Variants in RYR3 observed in about 807,000 individuals in gnomAD.
RYR3 encodes ryanodine receptor 3.
In RYR3, 207 loss-of-function variants were observed where a neutral mutation model predicts 584.3. The observed-to-expected ratio is 0.35, with a 90% CI of 0.32 to 0.40. The LOEUF (loss-of-function observed/expected upper bound fraction) is 0.40. Among genes scored for constraint, RYR3 ranks in the 10% least tolerant of loss-of-function variants. RYR3 has a pLI of 1.00. For synonymous variants in RYR3, 2,416 were observed against 2,248.5 expected, an observed-to-expected ratio of 1.07 and a Z score of -2.11; for missense variants, 5,616 against 6,089.2, an observed-to-expected ratio of 0.92 and a Z score of 2.59.
At position 33,738,513 on chromosome 15, in the gene RYR3, T is replaced by C. The variant is rs777273999; in HGVS notation, c.7579T>C (p.Tyr2527His). The part of the protein sequence containing the change: ...YYCLPSGWGS[Y>H]GLAVEEELHL... ...CTGCCTGCCTTCAGGATGGGGGAGC[T>C]ACGGGCTAGCTGTGGAAGAAGAGCT... Residue 2527 changes from tyrosine to histidine, a missense_variant, in exon 50 of 104, where the codon TAC (tyrosine) becomes CAC (histidine). Around this residue, in one of 9 missense-constraint regions of RYR3, gnomAD observed 1,280 missense variants for 1,426.2 expected, o/e 0.90. Coordinates refer to ENST00000634891, the MANE Select transcript of RYR3 (RefSeq NM_001036.6). 1 of 1,613,964 alleles carries C rather than the reference T, an allele frequency of 6.2e-7. No individual in the cohort carries two copies. Among genetic ancestry groups the C allele is most frequent in the Non-Finnish European group, 8.5e-7 (1 of 1,179,878 alleles).
At chr15:33,427,336 C>T (rs1457715845) in intron 1 of RYR3, among the ~76,000 whole-genome samples, 1 of 152,130 alleles carries the variant, frequency 6.6e-6, no homozygotes, top group Non-Finnish European at 1.5e-5. Context: ...AAGCTGGGTG[C>T]AATAGTGTGC....
chr15:33,522,023 G>A (rs532094971), intron 3 of RYR3, among the ~76,000 whole-genome samples: 5 of 151,002 alleles, frequency 3.3e-5, no homozygotes, highest in African/African-American at 1.2e-4. Context: ...GGAGGCCGAG[G>A]CAGGCAGATC....
intron 18 of RYR3, among the ~76,000 whole-genome samples, chr15:33,609,241 C>A (rs1228352893): frequency 6.6e-6 from 1 of 152,366 alleles, no homozygotes; most frequent in East Asian, 1.9e-4. Flanking sequence ...CAATTATTTC[C>A]TGGTCTTCCT....
chr15:33,823,110 C>G (rs1567247493), intron 81 of RYR3, 38 bp downstream of exon 81: 4 of 1,571,886 alleles, frequency 2.5e-6, no homozygotes, highest in Non-Finnish European at 3.5e-6. Flanking sequence ...TTAAAAAACT[C>G]TTCCCTCTAA....
At chr15:33,734,983 G>A (rs1182205802) in intron 48 of RYR3, among the ~76,000 whole-genome samples, 2 of 151,534 alleles carry the variant, frequency 1.3e-5, no homozygotes, top group Non-Finnish European at 1.5e-5. Context: ...GAGCCACCGC[G>A]CCTGGCCGAG....
chr15:33,634,439 A>G, intron 24 of RYR3, 147 bp from the exon 25 acceptor site: 2 of 657,416 alleles, frequency 3.0e-6, no homozygotes, highest in Non-Finnish European at 5.3e-6. Flanking sequence ...CAATATGTAC[A>G]TTGCTAAATG....
chr15:33,765,642 AAAAAAAAAAAAAAG>A (rs1190516905), intron 60 of RYR3, among the ~76,000 whole-genome samples: 8 of 150,984 alleles, frequency 5.3e-5, no homozygotes, highest in Non-Finnish European at 1.0e-4. Flanking sequence ...CAAAAAAAAA[AAAAAAAAAAAAAAG>A]AAAATAGTCT....
At chr15:33,853,747 G>A in intron 96 of RYR3, 65 bp downstream of exon 96, 1 of 1,558,028 alleles carries the variant, frequency 6.4e-7, no homozygotes, top group African/African-American at 1.4e-5. Context: ...CTTTTCCATA[G>A]GAAAAAATCA....
intron 70 of RYR3, among the ~76,000 whole-genome samples, chr15:33,809,678 C>T (rs905834579): frequency 2.7e-5 from 4 of 150,900 alleles, no homozygotes; most frequent in African/African-American, 9.8e-5. Context: ...CTCTGTCACC[C>T]ACGCTGTAGT....
intron 76 of RYR3, among the ~76,000 whole-genome samples, chr15:33,819,123 C>A (rs2076975375): frequency 6.6e-6 from 1 of 151,574 alleles, no homozygotes; most frequent in Admixed American, 6.6e-5. Flanking sequence ...AACTCCGTCT[C>A]CAGAAAAAAA....
chr15:33,568,545 C>T (rs1015915496), intron 12 of RYR3, among the ~76,000 whole-genome samples: 6 of 152,102 alleles, frequency 3.9e-5, no homozygotes, highest in Admixed American at 3.9e-4. Flanking sequence ...ATCCTCCCAC[C>T]TTAGCCTCTT....
chr15:33,571,843 C>CT (rs1417874433), intron 12 of RYR3, among the ~76,000 whole-genome samples: 1 of 152,044 alleles, frequency 6.6e-6, no homozygotes, highest in African/African-American at 2.4e-5. Context: ...CTATTTATTT[C>CT]TTATGTTTCT....
At chr15:33,511,542 T>TCATG in intron 3 of RYR3, among the ~76,000 whole-genome samples, 1 of 151,982 alleles carries the variant, frequency 6.6e-6, no homozygotes, top group East Asian at 1.9e-4. Context: ...GCTGTATTTG[T>TCATG]CATGAACTGG....
chr15:33,864,983 G>A, intron 103 of RYR3, 148 bp from the exon 104 acceptor site: 1 of 601,474 alleles, frequency 1.7e-6, no homozygotes, highest in Non-Finnish European at 2.9e-6. Flanking sequence ...AGCCTGTGCT[G>A]GGAATAGAGC....
intron 3 of RYR3, among the ~76,000 whole-genome samples, chr15:33,513,638 A>C (rs575449051): frequency 2.0e-5 from 3 of 152,086 alleles, no homozygotes; most frequent in South Asian, 2.1e-4. Context: ...TTGGGCTTGT[A>C]GTGAGGTGGG....
At chr15:33,561,311 C>T (rs1459320918) in intron 10 of RYR3, among the ~76,000 whole-genome samples, 2 of 152,170 alleles carry the variant, frequency 1.3e-5, no homozygotes, top group African/African-American at 4.8e-5. Flanking sequence ...TGGGGAAGAA[C>T]AGCAGGAGAG....
At chr15:33,372,674 T>G (rs1331335454) in intron 1 of RYR3, among the ~76,000 whole-genome samples, 1 of 151,990 alleles carries the variant, frequency 6.6e-6, no homozygotes, top group Non-Finnish European at 1.5e-5. Context: ...CCCAGCTAAT[T>G]TTTTGTATTT....
At chr15:33,727,270 GTGT>G (rs1464393471) in intron 46 of RYR3, among the ~76,000 whole-genome samples, 1 of 152,226 alleles carries the variant, frequency 6.6e-6, no homozygotes, top group Non-Finnish European at 1.5e-5. Context: ...TCTCCTCGAA[GTGT>G]TGTTTCTCTG....
rs200923286 is a variant in RYR3, at chr15:33,857,887, C to G, written c.14115C>G (p.Pro4705=). Residue 4705 remains proline (P), a synonymous_variant, in exon 99 of 104, where the codon CCC becomes CCG. Coordinates refer to ENST00000634891, the MANE Select transcript of RYR3 (RefSeq NM_001036.6). ...FYNKSEDDDE[P]DMKCDDMMTC... is the part of the protein sequence containing the mutation. ...ACAAAAGCGAAGACGATGACGAGCCCGATATGAAGTGCGACGACATGATGA... is the reference window on the plus strand; with the variant it reads ...ACAAAAGCGAAGACGATGACGAGCCGGATATGAAGTGCGACGACATGATGA... 1.4e-5 allele frequency: 22 copies of G among 1,613,992 alleles called. No homozygotes were observed. Among genetic ancestry groups the G allele is most frequent in the Non-Finnish European group, 1.9e-5 (22 of 1,180,046 alleles).
Sources: gnomAD v4.1 joint callset for allele counts (sites outside exome capture counted in the v4.1 genomes callset) on GRCh38, gnomAD v4.1.1 for gene constraint, gnomAD v4.1.1 regional missense constraint, MANE v1.5 for transcripts, NCBI Gene and HGNC (gene_info 2026-07-23, HGNC 2026-07-21) for gene names.